SLC9A9: variants seen among roughly 807,000 people sequenced by gnomAD.
SLC9A9 encodes solute carrier family 9 member A9.
Under a neutral mutation model 77.8 loss-of-function variants are expected in SLC9A9, and 62 were observed. That is an observed-to-expected ratio of 0.80 (90% CI 0.65 to 0.98). SLC9A9 has a LOEUF of 0.98. Among genes scored for constraint, SLC9A9 ranks in the 50% least tolerant of loss-of-function variants. SLC9A9 has a pLI of 0.00. For synonymous variants in SLC9A9, 320 were observed against 283.5 expected (o/e 1.13, Z -1.29); for missense variants, 775 against 774.9 (o/e 1.00, Z 0.00).
chr3:143,716,145 G>C (rs891928648), intron 4 of SLC9A9, among the ~76,000 whole-genome samples: 2 of 152,164 alleles, frequency 1.3e-5, no homozygotes, highest in Admixed American at 6.5e-5. Flanking sequence ...CACCACCATG[G>C]CTTACTGTAG....
chr3:143,701,631 A>G (rs1018974581), intron 4 of SLC9A9, among the ~76,000 whole-genome samples: 3 of 152,184 alleles, frequency 2.0e-5, no homozygotes, highest in African/African-American at 7.2e-5. Context: ...AAAAGAAAAA[A>G]GAATAAAAAA....
rs1295339164 is a variant in SLC9A9, at chr3:143,593,153, G to A, written c.756-14430C>T. Among the ~76,000 whole-genome samples, 5 of 152,226 alleles carry A rather than the reference G, an allele frequency of 3.3e-5. No individual in the cohort carries two copies. The East Asian group carries it at 5.8e-4, about 18-fold the overall frequency. On this transcript the variant is annotated intron_variant, in intron 6 of 15. Coordinates refer to ENST00000316549, the MANE Select transcript of SLC9A9 (RefSeq NM_173653.4). ...ATACGGTTCATAAAGAAGAAAGGAC[G>A]TAGGTAAGGTACGGGCCAGAAGGAG... is the stretch of plus-strand genomic sequence containing the variant.
At chr3:143,340,400 T>C (rs975854856) in intron 14 of SLC9A9, among the ~76,000 whole-genome samples, 7 of 152,236 alleles carry the variant, frequency 4.6e-5, no homozygotes, top group African/African-American at 1.7e-4. Flanking sequence ...GATTCAACAT[T>C]AACTAGACAT....
intron 15 of SLC9A9, among the ~76,000 whole-genome samples, chr3:143,267,209 C>T (rs1937751183): frequency 6.6e-6 from 1 of 151,992 alleles, no homozygotes; most frequent in Non-Finnish European, 1.5e-5. Flanking sequence ...AGGATGTTTC[C>T]ACCACTGGTA....
chr3:143,628,130 G>T (rs1429815818), intron 6 of SLC9A9, among the ~76,000 whole-genome samples: 1 of 152,204 alleles, frequency 6.6e-6, no homozygotes, highest in Admixed American at 6.5e-5. Context: ...TAGAATGTGA[G>T]CAACTGGGGA....
chr3:143,710,916 C>G (rs1470237343), intron 4 of SLC9A9, among the ~76,000 whole-genome samples: 2 of 152,166 alleles, frequency 1.3e-5, no homozygotes, highest in Non-Finnish European at 2.9e-5. Context: ...AAATGCAACT[C>G]TCTGGATTTT....
intron 8 of SLC9A9, among the ~76,000 whole-genome samples, chr3:143,572,004 C>T (rs747741759): frequency 5.3e-4 from 80 of 152,152 alleles, no homozygotes; most frequent in Non-Finnish European, 9.4e-4. Flanking sequence ...GTGTACTACT[C>T]GGGGGTGAGT....
chr3:143,780,792 G>A (rs1200740794), intron 4 of SLC9A9, among the ~76,000 whole-genome samples: 3 of 152,180 alleles, frequency 2.0e-5, no homozygotes, highest in Non-Finnish European at 2.9e-5. Flanking sequence ...GAGAGGGACT[G>A]AGAATCTTCA....
At chr3:143,597,312 C>T (rs113804082) in intron 6 of SLC9A9, among the ~76,000 whole-genome samples, 13,086 of 152,208 alleles carry the variant, frequency 0.086, 661 homozygotes, top group Middle Eastern at 0.18. Context: ...CTCAACACGG[C>T]TTGACATGGT....
In SLC9A9 at chr3:143,746,288, C is replaced by T. The variant is rs113085102; in HGVS notation, c.533+48713G>A. On this transcript the variant is annotated intron_variant, in intron 4 of 15. Coordinates refer to ENST00000316549, the MANE Select transcript of SLC9A9 (RefSeq NM_173653.4). ...GTTGGGGAAGTTGGGGAGGAAAGGCCGGCAGTTCATTTATTCAAATACTTA... is the reference window on the plus strand; with the variant it reads ...GTTGGGGAAGTTGGGGAGGAAAGGCTGGCAGTTCATTTATTCAAATACTTA... Among the ~76,000 whole-genome samples the T allele has an allele frequency of 5.9e-5, 9 of 152,244 alleles. 1 individual carries two copies. Among genetic ancestry groups the T allele is most frequent in the African/African-American group, 1.9e-4 (8 of 41,534 alleles).
At chr3:143,671,240 C>T (rs1037429237) in intron 5 of SLC9A9, among the ~76,000 whole-genome samples, 1 of 152,114 alleles carries the variant, frequency 6.6e-6, no homozygotes, top group Non-Finnish European at 1.5e-5. Context: ...TGGGTTGCTT[C>T]TACATATTGA....
At chr3:143,463,403 A>T (rs956530401) in intron 12 of SLC9A9, among the ~76,000 whole-genome samples, 7 of 152,210 alleles carry the variant, frequency 4.6e-5, no homozygotes, top group African/African-American at 1.7e-4. Context: ...ACTGCCAGAG[A>T]GCTCTGCCCT....
intron 12 of SLC9A9, among the ~76,000 whole-genome samples, chr3:143,440,690 G>A (rs2034717124): frequency 1.3e-5 from 2 of 152,246 alleles, no homozygotes; most frequent in Admixed American, 1.3e-4. Flanking sequence ...TTTACTGAAT[G>A]TAGTGATACT....
At chr3:143,456,375 G>A (rs1481427120) in intron 12 of SLC9A9, among the ~76,000 whole-genome samples, 7 of 152,038 alleles carry the variant, frequency 4.6e-5, no homozygotes, top group African/African-American at 1.4e-4. Flanking sequence ...TTGTGATGAT[G>A]TTTTACTTTT....
At chr3:143,340,250 C>A (rs1012563992) in intron 14 of SLC9A9, among the ~76,000 whole-genome samples, 15 of 152,008 alleles carry the variant, frequency 9.9e-5, no homozygotes, top group African/African-American at 3.6e-4. Flanking sequence ...AAAGGAAAAG[C>A]AAATAAATAA....
intron 15 of SLC9A9, among the ~76,000 whole-genome samples, chr3:143,268,326 T>C (rs1471719801): frequency 6.6e-6 from 1 of 152,204 alleles, no homozygotes; most frequent in Non-Finnish European, 1.5e-5. Context: ...TTCTTTTACA[T>C]TTTCTAAGGT....
At chr3:143,664,064 T>A (rs1014850660) in intron 5 of SLC9A9, among the ~76,000 whole-genome samples, 9 of 151,784 alleles carry the variant, frequency 5.9e-5, no homozygotes, top group African/African-American at 2.2e-4. Flanking sequence ...GAAAAAATGT[T>A]AAGGGCAGCC....
intron 6 of SLC9A9, among the ~76,000 whole-genome samples, chr3:143,580,101 A>C (rs1412952208): frequency 6.6e-6 from 1 of 151,960 alleles, no homozygotes; most frequent in Non-Finnish European, 1.5e-5. Context: ...GCTTTGCAGG[A>C]AAAAAGGAAA....
intron 8 of SLC9A9, among the ~76,000 whole-genome samples, chr3:143,556,679 A>G (rs2036988961): frequency 6.7e-6 from 1 of 150,240 alleles, no homozygotes; most frequent in African/African-American, 2.5e-5. Flanking sequence ...CACACTTTAT[A>G]CCTTTTGAGA....
Sources: gnomAD v4.1 joint callset for allele counts (sites outside exome capture counted in the v4.1 genomes callset) on GRCh38, gnomAD v4.1.1 for gene constraint, MANE v1.5 for transcripts, NCBI Gene and HGNC (gene_info 2026-07-23, HGNC 2026-07-21) for gene names.